SAXO1: variants seen among roughly 807,000 people sequenced by gnomAD.
The protein encoded by SAXO1 is stabilizer of axonemal microtubules 1.
A neutral mutation model predicts 17.5 loss-of-function variants in SAXO1; 21 were observed. That is an observed-to-expected ratio of 1.20 (90% confidence interval 0.85 to 1.72). The LOEUF (loss-of-function observed/expected upper bound fraction) is 1.72. SAXO1 is among the 40% of genes most tolerant of loss of function. The pLI is 0.00. For synonymous variants in SAXO1, 274 were observed against 216.5 expected (o/e 1.27, Z -2.33); for missense variants, 843 against 596.0 (o/e 1.41, Z -4.32).
At chr9:19,020,744 G>A (rs1017557349) in intron 1 of SAXO1, among the ~76,000 whole-genome samples, 2 of 152,186 alleles carry the variant, frequency 1.3e-5, no homozygotes, top group Non-Finnish European at 2.9e-5. Context: ...TGATAAGGAT[G>A]TCTTCTGTGT....
chr9:19,008,329 C>A (rs957516970), intron 1 of SAXO1, among the ~76,000 whole-genome samples: 2 of 152,158 alleles, frequency 1.3e-5, no homozygotes, highest in Non-Finnish European at 2.9e-5. Flanking sequence ...AAATTATCAA[C>A]TCAGTAAAGG....
At chr9:19,007,747 T>C (rs1016769586) in intron 1 of SAXO1, among the ~76,000 whole-genome samples, 17 of 152,250 alleles carry the variant, frequency 1.1e-4, no homozygotes, top group Non-Finnish European at 2.9e-5. Flanking sequence ...GAGCTAAGAA[T>C]AATTTTTACA....
At chr9:18,942,540 C>A (rs1049495670) in intron 2 of SAXO1, among the ~76,000 whole-genome samples, 2 of 152,212 alleles carry the variant, frequency 1.3e-5, no homozygotes, top group Non-Finnish European at 2.9e-5. Flanking sequence ...TCTACTTAGC[C>A]TACAGAAAAC....
At chr9:19,004,080 A>G (rs569179774) in intron 1 of SAXO1, among the ~76,000 whole-genome samples, 1 of 152,366 alleles carries the variant, frequency 6.6e-6, no homozygotes, top group Non-Finnish European at 1.5e-5. Context: ...AAAGGCTATG[A>G]ACAGACACTC....
chr9:18,938,179 G>A (rs143656637), intron 3 of SAXO1, among the ~76,000 whole-genome samples: 3 of 152,290 alleles, frequency 2.0e-5, no homozygotes, highest in Non-Finnish European at 4.4e-5. Flanking sequence ...AGAAGTTTAA[G>A]GAAACTGAGG....
intron 1 of SAXO1, among the ~76,000 whole-genome samples, chr9:19,042,206 G>C (rs796870069): frequency 4.6e-5 from 7 of 152,236 alleles, no homozygotes; most frequent in African/African-American, 1.7e-4. Context: ...CAAAATCATG[G>C]ATCATCAGAG....
intron 1 of SAXO1, among the ~76,000 whole-genome samples, chr9:18,992,523 G>A (rs1407304321): frequency 6.6e-6 from 1 of 152,176 alleles, no homozygotes; most frequent in Non-Finnish European, 1.5e-5. Flanking sequence ...TTTGGAGGCT[G>A]GAGCATTAGG....
intron 1 of SAXO1, among the ~76,000 whole-genome samples, chr9:18,990,941 T>A (rs902541486): frequency 1.3e-5 from 2 of 152,064 alleles, no homozygotes; most frequent in Non-Finnish European, 2.9e-5. Flanking sequence ...TTATTATATA[T>A]TACAATATAA....
intron 1 of SAXO1, chr9:19,027,586 G>A (rs554455428): frequency 1.3e-5 from 19 of 1,412,028 alleles, no homozygotes; most frequent in Non-Finnish European, 1.8e-5. Flanking sequence ...TCCTAAAGCT[G>A]ACTGGCCCCC....
intron 1 of SAXO1, among the ~76,000 whole-genome samples, chr9:19,002,293 A>G (rs1176987241): frequency 6.6e-6 from 1 of 152,232 alleles, no homozygotes; most frequent in Non-Finnish European, 1.5e-5. Context: ...AGATGGATTC[A>G]CAGCCGAATT....
At chr9:19,039,135 A>C (rs1332107319) in intron 1 of SAXO1, among the ~76,000 whole-genome samples, 1 of 151,938 alleles carries the variant, frequency 6.6e-6, no homozygotes, top group Non-Finnish European at 1.5e-5. Context: ...ACCCTGCCTC[A>C]AAAGAAAAAA....
intron 1 of SAXO1, among the ~76,000 whole-genome samples, chr9:18,964,141 A>C (rs967628081): frequency 2.6e-5 from 4 of 152,202 alleles, no homozygotes; most frequent in Non-Finnish European, 5.9e-5. Context: ...GTGGTGGATA[A>C]GCTTTTTGAT....
chr9:18,974,392 G>A (rs536131435), intron 1 of SAXO1, among the ~76,000 whole-genome samples: 2 of 152,196 alleles, frequency 1.3e-5, no homozygotes, highest in Admixed American at 1.3e-4. Flanking sequence ...CATTGTGTGT[G>A]TATCTATATA....
At chr9:18,971,398 G>C (rs1024784080) in intron 1 of SAXO1, among the ~76,000 whole-genome samples, 3 of 151,906 alleles carry the variant, frequency 2.0e-5, no homozygotes, top group Non-Finnish European at 4.4e-5. Flanking sequence ...TATATTTTCT[G>C]TCTCTACGGA....
At chr9:19,018,143 G>A (rs943825067) in intron 1 of SAXO1, among the ~76,000 whole-genome samples, 1 of 151,388 alleles carries the variant, frequency 6.6e-6, no homozygotes, top group Non-Finnish European at 1.5e-5. Flanking sequence ...ACTCTAGCTG[G>A]GGCAACAGAG....
At chr9:19,030,414 A>G (rs55861008) in intron 1 of SAXO1, among the ~76,000 whole-genome samples, 1 of 152,186 alleles carries the variant, frequency 6.6e-6, no homozygotes, top group Admixed American at 6.5e-5. Context: ...GACTTTAGAA[A>G]AGAGTCAATG....
intron 1 of SAXO1, among the ~76,000 whole-genome samples, chr9:19,005,692 G>A (rs935772562): frequency 6.6e-6 from 1 of 152,124 alleles, no homozygotes; most frequent in African/African-American, 2.4e-5. Flanking sequence ...AGAAAACATA[G>A]GGAAAAATCA....
At chr9:18,976,989 C>T (rs1302517151) in intron 1 of SAXO1, among the ~76,000 whole-genome samples, 8 of 152,142 alleles carry the variant, frequency 5.3e-5, no homozygotes, top group African/African-American at 1.9e-4. Flanking sequence ...ATCATCTTAT[C>T]CTTTTTCTTC....
Position 18,950,766 on chromosome 9 carries a change from A to T in SAXO1, c.210T>A (p.Thr70=). The T allele has an allele frequency of 6.2e-7, 1 of 1,613,128 alleles. No individual in the cohort carries two copies. Among genetic ancestry groups the T allele is most frequent in the East Asian group, 2.2e-5 (1 of 44,878 alleles). The change falls in exon 2 of 4, where the codon ACT becomes ACA. Residue 70 remains threonine (T), a synonymous_variant. Coordinates refer to ENST00000380534, the MANE Select transcript of SAXO1 (RefSeq NM_153707.4). ...QKGPIPMEGL[T]TSRRDFGPHK... ...ATACTGTTTGCCCTCACCTTGATGTAGTCAGGCCTTCCATTGGTATAGGCC... is the reference window on the plus strand; with the variant it reads ...ATACTGTTTGCCCTCACCTTGATGTTGTCAGGCCTTCCATTGGTATAGGCC...
Sources: allele counts gnomAD v4.1 joint callset (sites outside exome capture counted in the v4.1 genomes callset), GRCh38; gene constraint gnomAD v4.1.1; transcripts MANE v1.5; gene names NCBI Gene and HGNC (gene_info 2026-07-23, HGNC 2026-07-21).